Variants in NRG3 observed in about 807,000 individuals in gnomAD.
The protein encoded by NRG3 is pro-neuregulin-3, membrane-bound isoform.
Under a neutral mutation model 66.9 loss-of-function variants are expected in NRG3, and 31 were observed. The observed-to-expected ratio is 0.46, with a 90% confidence interval of 0.35 to 0.63. The LOEUF (loss-of-function observed/expected upper bound fraction) is 0.63. Among genes scored for constraint, NRG3 ranks in the 20% least tolerant of loss-of-function variants. The pLI is 0.00. For missense variants in NRG3, 910 were observed against 878.9 expected (o/e 1.04, Z -0.45); for synonymous variants, 393 against 359.4 (o/e 1.09, Z -1.06).
intron 2 of NRG3, among the ~76,000 whole-genome samples, chr10:82,567,492 T>C (rs1249032764): frequency 6.6e-6 from 1 of 151,998 alleles, no homozygotes; most frequent in African/African-American, 2.4e-5. Flanking sequence ...CATCCATCCC[T>C]AGATACATAA....
At chr10:82,646,594 G>A (rs1361248981) in intron 2 of NRG3, among the ~76,000 whole-genome samples, 2 of 152,146 alleles carry the variant, frequency 1.3e-5, no homozygotes, top group Non-Finnish European at 2.9e-5. Context: ...GGTTAAAGAC[G>A]TCCAGCAGTT....
At chr10:81,905,511 T>G (rs1010348076) in intron 1 of NRG3, among the ~76,000 whole-genome samples, 3 of 152,170 alleles carry the variant, frequency 2.0e-5, no homozygotes, top group Admixed American at 1.3e-4. Flanking sequence ...ATATTTTCTT[T>G]TATATCTTTT....
At chr10:82,100,203 A>T (rs1177859220) in intron 1 of NRG3, among the ~76,000 whole-genome samples, 1 of 152,180 alleles carries the variant, frequency 6.6e-6, no homozygotes, top group East Asian at 1.9e-4. Flanking sequence ...TTCATTGAAA[A>T]CATATTGAAA....
At chr10:82,272,377 G>C (rs2078641664) in intron 1 of NRG3, among the ~76,000 whole-genome samples, 1 of 152,066 alleles carries the variant, frequency 6.6e-6, no homozygotes. Flanking sequence ...GCTGATCCTG[G>C]AGGGTGCTGG....
chr10:81,991,161 C>G (rs1024919624), intron 1 of NRG3, among the ~76,000 whole-genome samples: 2 of 152,096 alleles, frequency 1.3e-5, no homozygotes, highest in African/African-American at 2.4e-5. Flanking sequence ...AACTTTCAAG[C>G]TGATATTTCA....
intron 3 of NRG3, among the ~76,000 whole-genome samples, chr10:82,825,985 T>A (rs563082926): frequency 1.3e-5 from 2 of 152,342 alleles, no homozygotes; most frequent in South Asian, 4.1e-4. Context: ...ACAGATTGAT[T>A]GTCTTTTTGG....
chr10:82,814,210 C>T (rs985137288), intron 3 of NRG3, among the ~76,000 whole-genome samples: 1 of 152,192 alleles, frequency 6.6e-6, no homozygotes, highest in Non-Finnish European at 1.5e-5. Flanking sequence ...GCTTTCCAAA[C>T]AGGTCTTTTC....
At chr10:82,618,950 T>G (rs2133588423) in intron 2 of NRG3, among the ~76,000 whole-genome samples, 1 of 152,044 alleles carries the variant, frequency 6.6e-6, no homozygotes, top group East Asian at 1.9e-4. Flanking sequence ...TTATTTAATT[T>G]TATTTTGCTG....
intron 5 of NRG3, among the ~76,000 whole-genome samples, chr10:82,957,794 A>G (rs1850204746): frequency 6.7e-6 from 1 of 149,838 alleles, no homozygotes; most frequent in South Asian, 2.1e-4. Context: ...ATAGTTTCCT[A>G]TATCGTGTGT....
In NRG3 at chr10:82,882,846, A is replaced by G. The variant is rs1842420259; in HGVS notation, c.1054+17409A>G. On this transcript the variant is annotated intron_variant, in intron 4 of 8. Transcript: ENST00000372141. ...TGCCTGTTTAAGGTGGGTAACAGTT[A>G]CTACCAACAACTAGGACCCCAGGAA... Among the ~76,000 whole-genome samples the G allele has an allele frequency of 2.0e-5, 3 of 152,168 alleles. No homozygotes were observed. In the South Asian group the frequency reaches 6.2e-4, roughly 32 times the overall value.
At chr10:82,738,472 A>C (rs2058262683) in intron 2 of NRG3, 105 bp from the exon 3 acceptor site, 1 of 869,150 alleles carries the variant, frequency 1.2e-6, no homozygotes, top group African/African-American at 1.7e-5. Flanking sequence ...GAAAGCATGA[A>C]TGTACTGTTC....
In NRG3 at chr10:82,981,479, C is replaced by T. The variant is rs528317409; in HGVS notation, c.1583+2359C>T. ...GTCTCTCTGGACTGGAAATGGGATT[C>T]GTAATAGAATTTCACAGCTAAAGGC... On this transcript the variant is annotated intron_variant, in intron 8 of 8. Coordinates refer to ENST00000372141, the MANE Select transcript of NRG3 (RefSeq NM_001010848.4). Among the ~76,000 whole-genome samples the T allele has an allele frequency of 4.6e-4, 70 of 152,276 alleles. 1 individual carries two copies. Among genetic ancestry groups the T allele is most frequent in the African/African-American group, 1.3e-3 (56 of 41,544 alleles).
At chr10:82,588,524 A>G (rs757169103) in intron 2 of NRG3, among the ~76,000 whole-genome samples, 5 of 151,200 alleles carry the variant, frequency 3.3e-5, no homozygotes, top group Non-Finnish European at 5.9e-5. Flanking sequence ...CTTTTTTGAG[A>G]TGGAGTCTCG....
At chr10:82,638,058 TAG>T (rs1230909352) in intron 2 of NRG3, among the ~76,000 whole-genome samples, 16 of 152,214 alleles carry the variant, frequency 1.1e-4, no homozygotes, top group African/African-American at 3.9e-4. Flanking sequence ...CCTGTAAGTT[TAG>T]AGTTAGTGAC....
chr10:82,223,578 C>T (rs960421995), intron 1 of NRG3, among the ~76,000 whole-genome samples: 3 of 151,390 alleles, frequency 2.0e-5, no homozygotes, highest in African/African-American at 7.3e-5. Context: ...AAATATACTA[C>T]TAGGGTTTTT....
intron 4 of NRG3, among the ~76,000 whole-genome samples, chr10:82,904,079 A>G (rs1844489944): frequency 6.6e-6 from 1 of 152,152 alleles, no homozygotes; most frequent in Non-Finnish European, 1.5e-5. Context: ...AGATTTTCTA[A>G]AAGTTCAGAC....
intron 1 of NRG3, among the ~76,000 whole-genome samples, chr10:82,116,432 A>G (rs1406311950): frequency 6.6e-6 from 1 of 152,142 alleles, no homozygotes; most frequent in Non-Finnish European, 1.5e-5. Flanking sequence ...CTATGTATCA[A>G]CATTTAATTT....
At chr10:82,830,836 T>C (rs1480485020) in intron 3 of NRG3, among the ~76,000 whole-genome samples, 3 of 152,134 alleles carry the variant, frequency 2.0e-5, no homozygotes, top group African/African-American at 7.2e-5. Context: ...GTACTTCAAA[T>C]TAGGGAACAG....
intron 2 of NRG3, among the ~76,000 whole-genome samples, chr10:82,681,013 G>T (rs1388355961): frequency 1.3e-5 from 2 of 152,186 alleles, no homozygotes; most frequent in East Asian, 1.9e-4. Flanking sequence ...TTTCTCTAGA[G>T]CCTTGAAGCC....
Sources: gnomAD v4.1 joint callset for allele counts (sites outside exome capture counted in the v4.1 genomes callset) on GRCh38, gnomAD v4.1.1 for gene constraint, MANE v1.5 for transcripts, NCBI Gene and HGNC (gene_info 2026-07-23, HGNC 2026-07-21) for gene names.